Variants in SPDYA observed in about 807,000 individuals in gnomAD.
SPDYA encodes the protein speedy protein A.
In SPDYA, 11 loss-of-function variants were observed where a neutral mutation model predicts 36.7. The observed-to-expected ratio is 0.30, with a 90% CI of 0.19 to 0.50. The LOEUF is 0.50. Among genes scored for constraint, SPDYA ranks in the 20% least tolerant of loss-of-function variants. The pLI is 0.98. For synonymous variants in SPDYA, 115 were observed against 118.7 expected (o/e 0.97, Z 0.20); for missense variants, 287 against 370.9 (o/e 0.77, Z 1.86).
chr2:28,822,797 G>A (rs992807151), intron 5 of SPDYA, among the ~76,000 whole-genome samples: 7 of 151,976 alleles, frequency 4.6e-5, no homozygotes, highest in Admixed American at 2.6e-4. Flanking sequence ...TAGTAGAGAC[G>A]GGGTTTCACC....
intron 7 of SPDYA, among the ~76,000 whole-genome samples, chr2:28,844,864 C>T (rs1440341970): frequency 1.5e-4 from 23 of 152,064 alleles, no homozygotes; most frequent in Non-Finnish European, 2.4e-4. Flanking sequence ...ACCCGGGAGG[C>T]GGAGGTTGCA....
At chr2:28,827,068 A>T (rs1246679645) in intron 5 of SPDYA, among the ~76,000 whole-genome samples, 5 of 148,338 alleles carry the variant, frequency 3.4e-5, no homozygotes, top group African/African-American at 7.5e-5. Flanking sequence ...CCTCCCGAGT[A>T]GCTGGGACTA....
chr2:28,839,258 A>C (rs1280285334), intron 6 of SPDYA, among the ~76,000 whole-genome samples: 1 of 152,216 alleles, frequency 6.6e-6, no homozygotes, highest in East Asian at 1.9e-4. Context: ...TCTAAAGCCC[A>C]TGTTTTATTT....
rs1668720105 is a variant in SPDYA at position 28,840,357 on chromosome 2, A to G, written c.738A>G (p.Ser246=). The G allele has an allele frequency of 3.7e-6, 6 of 1,610,014 alleles. No individual in the cohort carries two copies. The highest frequency in any genetic ancestry group is 5.1e-6 in the Non-Finnish European group (6 of 1,178,408). Residue 246 remains serine (S), a synonymous_variant, in exon 7 of 8, where the codon TCA becomes TCG. Transcript: ENST00000334056. ...RYVRLGLSSS[S]SLSSHTAGVT... ...TTAGACTGGGATTGTCTTCATCATC[A>G]TCTTTATCCAGTCATACAGCAGGGG...
chr2:28,842,020 A>T (rs1668762351), intron 7 of SPDYA: 1 of 152,220 alleles, frequency 6.6e-6, no homozygotes, highest in African/African-American at 2.4e-5. Flanking sequence ...AGCCAACTTT[A>T]GGGTGAATAC....
chr2:28,829,175 TGAA>T lies in SPDYA; in HGVS notation c.415_417del (p.Glu139del). 1 of 1,613,698 alleles carries T rather than the reference TGAA, an allele frequency of 6.2e-7. No homozygotes were observed. Among genetic ancestry groups the T allele is most frequent in the East Asian group, 2.2e-5 (1 of 44,836 alleles). ...ATCTGGCTAATACAGTTGAAGAAGA[TGAA>T]GAAGAAACCAAGTACGAAATTTTTC... On this transcript the variant is annotated inframe_deletion, in exon 6 of 8. Transcript: ENST00000334056.
At chr2:28,838,736 G>T (rs913048825) in intron 6 of SPDYA, among the ~76,000 whole-genome samples, 3 of 152,038 alleles carry the variant, frequency 2.0e-5, no homozygotes, top group African/African-American at 7.2e-5. Flanking sequence ...CTTTGGGAGG[G>T]CGAGGAGGGT....
intron 7 of SPDYA, among the ~76,000 whole-genome samples, chr2:28,841,754 G>A (rs899506041): frequency 1.3e-4 from 20 of 152,130 alleles, no homozygotes; most frequent in African/African-American, 4.8e-4. Context: ...CGACAGTATA[G>A]TCTCTTCCTT....
Position 28,811,555 on chromosome 2 carries a change from C to A in SPDYA, c.-93+608C>A, listed in dbSNP as rs988944328. Among the ~76,000 whole-genome samples the A allele has an allele frequency of 1.3e-5, 2 of 152,152 alleles. No individual in the cohort carries two copies. The highest frequency in any genetic ancestry group is 1.9e-4 in the East Asian group (1 of 5,182). ...ATGACATCCAGTAGGACTGGAGGGC[C>A]CCTAGCCTCAATCTTTTAAAAAGCC... On this transcript the variant is annotated intron_variant, in intron 1 of 7. Transcript: ENST00000334056. The surrounding 1 kb of genome is among the most constrained non-coding windows in gnomAD (Gnocchi z 4.2).
intron 5 of SPDYA, among the ~76,000 whole-genome samples, chr2:28,826,522 T>C (rs553214216): frequency 2.0e-4 from 31 of 152,212 alleles, no homozygotes; most frequent in African/African-American, 6.0e-4. Context: ...TATCTCCTTT[T>C]TCTCCTTTTG....
chr2:28,824,553 C>CTTTTTTTTCTTTCT (rs1668270408), intron 5 of SPDYA, among the ~76,000 whole-genome samples: 1 of 133,298 alleles, frequency 7.5e-6, no homozygotes, highest in Non-Finnish European at 1.6e-5. Context: ...TTCTTTCTTT[C>CTTTTTTTTCTTTCT]TTTTTTTTTT....
chr2:28,816,123 C>T lies in SPDYA; in HGVS notation c.109C>T (p.Pro37Ser). Residue 37 changes from proline (P) to serine (S), a missense_variant, in exon 3 of 8, where the codon CCT becomes TCT. Coordinates refer to ENST00000334056, the MANE Select transcript of SPDYA (RefSeq NM_182756.4). Reference protein sequence around the residue: ...QPKKPITLKRPICKDNWQAFE... With the variant: ...QPKKPITLKRSICKDNWQAFE... ...TAAAAAGCCCATTACTCTGAAGCGT[C>T]CTATTTGTAAAGATAATTGGCAAGC... The T allele has an allele frequency of 6.8e-6, 11 of 1,613,910 alleles. No homozygotes were observed. The highest frequency in any genetic ancestry group is 8.5e-6 in the Non-Finnish European group (10 of 1,179,946).
chr2:28,827,588 A>G (rs980959577), intron 5 of SPDYA, among the ~76,000 whole-genome samples: 3 of 150,932 alleles, frequency 2.0e-5, no homozygotes, highest in Non-Finnish European at 4.4e-5. Flanking sequence ...GACTTGTACT[A>G]TTTCCAATGA....
At position 28,824,553 on chromosome 2, in the gene SPDYA, CT is replaced by C. The variant is rs780274293; in HGVS notation, c.380+2154del. Reference sequence around the variant, plus strand: ...TTTTTTCTTTTTCTTTTCTTTCTTTCTTTTTTTTTTTGTGACAGAGTCTCTC... The same window carrying C: ...TTTTTTCTTTTTCTTTTCTTTCTTTCTTTTTTTTTTGTGACAGAGTCTCTC... On this transcript the variant is annotated intron_variant, in intron 5 of 7. Coordinates refer to ENST00000334056, the MANE Select transcript of SPDYA (RefSeq NM_182756.4). Among the ~76,000 whole-genome samples, 34 of 133,284 alleles carry C rather than the reference CT, an allele frequency of 2.6e-4. 2 individuals carry two copies. The highest frequency in any genetic ancestry group is 8.7e-4 in the East Asian group (4 of 4,610). 87.4% of individuals were successfully genotyped at this position (133,284 alleles called of 152,430 possible).
intron 4 of SPDYA, among the ~76,000 whole-genome samples, chr2:28,821,199 T>TTTTTTTTTTTTTTTTTTTTTTTTTTTTTC (rs1491019506): frequency 2.2e-5 from 1 of 46,082 alleles, no homozygotes; most frequent in Non-Finnish European, 6.4e-5. Flanking sequence ...TTCTTTTTCT[T>TTTTTTTTTTTTTTTTTTTTTTTTTTTTTC]TTTTTTTTTT....
At chr2:28,847,149 C>G (rs997300052) in intron 7 of SPDYA, among the ~76,000 whole-genome samples, 8 of 152,106 alleles carry the variant, frequency 5.3e-5, no homozygotes, top group Non-Finnish European at 7.4e-5. Flanking sequence ...TTGAGATCAG[C>G]CTGGCCAACA....
intron 6 of SPDYA, among the ~76,000 whole-genome samples, chr2:28,838,523 G>C (rs1478004299): frequency 1.3e-5 from 2 of 151,952 alleles, no homozygotes; most frequent in African/African-American, 4.8e-5. Context: ...CTTGACCCTG[G>C]TAGTTTTATT....
At position 28,815,950 on chromosome 2, in the gene SPDYA, A is replaced by G. The variant is rs1299778975; in HGVS notation, c.-18-47A>G. 10 of 1,262,046 alleles carry G rather than the reference A, an allele frequency of 7.9e-6. No individual in the cohort carries two copies. In the South Asian group the frequency reaches 8.1e-5, roughly 10 times the overall value. The allele number at this position is 1,262,046 out of a possible 1,614,324, so 78.2% of individuals were successfully genotyped here. A position where few individuals can be genotyped will look rare whatever the true frequency, so the allele number is the denominator to read the frequency against. On this transcript the variant is annotated intron_variant, in intron 2 of 7. Coordinates refer to ENST00000334056, the MANE Select transcript of SPDYA (RefSeq NM_182756.4). The stretch of plus-strand genomic sequence containing the variant: ...GTATCATCCAGTTAGTTGTTTATAT[A>G]TGAAATGAATGTGTGTGATGAATAA...
intron 7 of SPDYA, among the ~76,000 whole-genome samples, chr2:28,843,464 C>T (rs370588864): frequency 2.6e-5 from 4 of 151,090 alleles, no homozygotes; most frequent in South Asian, 4.2e-4. Flanking sequence ...GCAGGAGAAT[C>T]GCTTGAACCT....
Sources: gnomAD v4.1 joint callset for allele counts (sites outside exome capture counted in the v4.1 genomes callset) on GRCh38, gnomAD v4.1.1 for gene constraint, Gnocchi (gnomAD v3.1) non-coding constraint, MANE v1.5 for transcripts, NCBI Gene and HGNC (gene_info 2026-07-23, HGNC 2026-07-21) for gene names.